SND1: variants seen among roughly 807,000 people sequenced by gnomAD.
The protein encoded by SND1 is staphylococcal nuclease and tudor domain containing 1.
Under a neutral mutation model 121.7 loss-of-function variants are expected in SND1, and 38 were observed. The observed-to-expected ratio is 0.31, with a 90% CI of 0.24 to 0.41. The LOEUF (loss-of-function observed/expected upper bound fraction) is 0.41, where lower values mean the gene tolerates loss of function less well. Ranked by LOEUF, SND1 falls within the 10% of genes least tolerant of loss-of-function variation. SND1 has a pLI of 1.00. For synonymous variants in SND1, 401 were observed against 447.4 expected (o/e 0.90, Z 1.31); for missense variants, 868 against 1,184.6 (o/e 0.73, Z 3.92).
At chr7:127,796,890 CTTTT>C (rs36078891) in intron 10 of SND1, among the ~76,000 whole-genome samples, 1 of 102,074 alleles carries the variant, frequency 9.8e-6, no homozygotes. Flanking sequence ...TTTCCTGAGT[CTTTT>C]TTTTTTTTTT....
rs58060862 is a variant in SND1, at chr7:127,802,867, G to A, written c.1153-4617G>A. Among the ~76,000 whole-genome samples, 435 of 152,264 alleles carry A rather than the reference G, an allele frequency of 2.9e-3. 4 individuals carry two copies. The highest frequency in any genetic ancestry group is 9.2e-3 in the African/African-American group (382 of 41,556). On this transcript the variant is annotated intron_variant, in intron 10 of 23. Coordinates refer to ENST00000354725, the MANE Select transcript of SND1 (RefSeq NM_014390.4). ...CTCAGATAAAAAAGGAGTCATTCTT[G>A]ATTCCTCCTTTTCTTTCATTCCTAA...
chr7:127,790,952 A>G (rs1797897820), intron 10 of SND1, among the ~76,000 whole-genome samples: 2 of 152,222 alleles, frequency 1.3e-5, no homozygotes, highest in African/African-American at 2.4e-5. Flanking sequence ...TATAGTTGTC[A>G]GGAGCAGAAC....
intron 10 of SND1, among the ~76,000 whole-genome samples, chr7:127,778,031 C>CTAGCT: frequency 6.6e-6 from 1 of 152,262 alleles, no homozygotes; most frequent in Admixed American, 6.5e-5. Context: ...TTCTTCACAG[C>CTAGCT]TACACTGGTT....
intron 16 of SND1, among the ~76,000 whole-genome samples, chr7:128,043,798 A>G (rs956796669): frequency 3.3e-5 from 5 of 151,550 alleles, no homozygotes; most frequent in Non-Finnish European, 5.9e-5. Flanking sequence ...TAAATACACA[A>G]TATGTAAAGA....
At chr7:127,737,449 C>T (rs551913232) in intron 10 of SND1, among the ~76,000 whole-genome samples, 1 of 152,266 alleles carries the variant, frequency 6.6e-6, no homozygotes, top group South Asian at 2.1e-4. Flanking sequence ...GTGGCGGGCA[C>T]CTGTAATCCT....
At chr7:127,737,916 A>G (rs1796806864) in intron 10 of SND1, among the ~76,000 whole-genome samples, 1 of 152,216 alleles carries the variant, frequency 6.6e-6, no homozygotes. Context: ...ATGCAGACCC[A>G]GGGACAGTGT....
At chr7:127,922,199 T>TTTTTTTTTTTTTTTTTTTTTGTTTTTTTG (rs1554443300) in intron 14 of SND1, among the ~76,000 whole-genome samples, 1 of 93,500 alleles carries the variant, frequency 1.1e-5, no homozygotes, top group African/African-American at 4.3e-5. Flanking sequence ...TTTTTTTTTT[T>TTTTTTTTTTTTTTTTTTTTTGTTTTTTTG]TTTTGTTTTG....
At chr7:127,766,898 A>G (rs79465896) in intron 10 of SND1, among the ~76,000 whole-genome samples, 6,627 of 150,304 alleles carry the variant, frequency 0.044, 195 homozygotes, top group Non-Finnish European at 0.069. Flanking sequence ...GTTTGTATGT[A>G]ATTTAGGCTG....
chr7:127,667,756 G>A (rs1356353610), intron 1 of SND1, among the ~76,000 whole-genome samples: 3 of 152,282 alleles, frequency 2.0e-5, no homozygotes, highest in Middle Eastern at 3.4e-3. Flanking sequence ...AAAATATTCC[G>A]AAAGCACAGT....
At chr7:127,656,428 T>C (rs991001692) in intron 1 of SND1, among the ~76,000 whole-genome samples, 1 of 151,910 alleles carries the variant, frequency 6.6e-6, no homozygotes, top group Non-Finnish European at 1.5e-5. Context: ...GTTCAAGCGA[T>C]TCTCCTGCCT....
chr7:127,736,473 A>G (rs913211551), intron 10 of SND1, among the ~76,000 whole-genome samples: 1 of 152,200 alleles, frequency 6.6e-6, no homozygotes, highest in African/African-American at 2.4e-5. Context: ...ATTTTTGGAT[A>G]TATCAGTTAT....
At chr7:127,680,037 G>T (rs1211819196) in intron 1 of SND1, among the ~76,000 whole-genome samples, 1 of 152,138 alleles carries the variant, frequency 6.6e-6, no homozygotes, top group Non-Finnish European at 1.5e-5. Flanking sequence ...AAGGGACAGA[G>T]TACAAAAGAG....
chr7:127,678,491 G>A (rs917907996), intron 1 of SND1, among the ~76,000 whole-genome samples: 1 of 152,122 alleles, frequency 6.6e-6, no homozygotes, highest in Non-Finnish European at 1.5e-5. Flanking sequence ...GAGCTCCTGG[G>A]CTTCCGGTTC....
intron 16 of SND1, among the ~76,000 whole-genome samples, chr7:128,068,849 G>A (rs1050695992): frequency 2.6e-5 from 4 of 152,250 alleles, no homozygotes; most frequent in African/African-American, 4.8e-5. Context: ...AGCCTGTGCC[G>A]TTTGTATTAA....
chr7:127,886,231 G>A (rs1431557744), intron 12 of SND1, among the ~76,000 whole-genome samples: 1 of 151,920 alleles, frequency 6.6e-6, no homozygotes, highest in Admixed American at 6.6e-5. Context: ...GACATCCGAG[G>A]GGCATATAAT....
At chr7:127,721,480 A>T (rs1263643848) in intron 10 of SND1, 80 bp downstream of exon 10, 49 of 719,028 alleles carry the variant, frequency 6.8e-5, no homozygotes, top group Non-Finnish European at 1.1e-4. Context: ...TATGACATAT[A>T]TAATACATAT....
At chr7:127,935,711 G>A (rs1012482743) in intron 15 of SND1, among the ~76,000 whole-genome samples, 8 of 152,242 alleles carry the variant, frequency 5.3e-5, no homozygotes, top group African/African-American at 1.9e-4. Context: ...CGCCTGGGCA[G>A]CGATTGTCCT....
At chr7:127,967,275 T>C (rs531294561) in intron 15 of SND1, among the ~76,000 whole-genome samples, 3 of 152,306 alleles carry the variant, frequency 2.0e-5, no homozygotes, top group African/African-American at 7.2e-5. Context: ...GATCAGTATT[T>C]ATTGACATGG....
At chr7:127,974,250 G>C (rs1228072061) in intron 15 of SND1, among the ~76,000 whole-genome samples, 3 of 152,210 alleles carry the variant, frequency 2.0e-5, no homozygotes, top group Non-Finnish European at 4.4e-5. Context: ...ATCTCAGCTA[G>C]AATATTGGTG....
Sources: gnomAD v4.1 joint callset for allele counts (sites outside exome capture counted in the v4.1 genomes callset) on GRCh38, gnomAD v4.1.1 for gene constraint, MANE v1.5 for transcripts, NCBI Gene and HGNC (gene_info 2026-07-23, HGNC 2026-07-21) for gene names.